ATM: variants seen among roughly 807,000 people sequenced by gnomAD.
ATM encodes the protein serine-protein kinase ATM.
In ATM, 308 loss-of-function variants were observed where a neutral mutation model predicts 387.0. The observed-to-expected ratio is 0.80, with a 90% confidence interval of 0.73 to 0.87. The LOEUF (loss-of-function observed/expected upper bound fraction) is 0.87, where lower values mean the gene tolerates loss of function less well. Ranked by LOEUF, ATM falls within the 40% of genes least tolerant of loss-of-function variation. The pLI is 0.00. For missense variants in ATM, 3,312 were observed against 3,560.9 expected (o/e 0.93, Z 1.78); for synonymous variants, 1,156 against 1,187.3 (o/e 0.97, Z 0.54).
At chr11:108,258,518 A>G (rs2080649017) in intron 15 of ATM, among the ~76,000 whole-genome samples, 1 of 152,204 alleles carries the variant, frequency 6.6e-6, no homozygotes, top group South Asian at 2.1e-4. Context: ...CATTTGGTAG[A>G]AAGAGTGCTA....
chr11:108,359,572 AG>A (rs1161871641), intron 61 of ATM, among the ~76,000 whole-genome samples: 2 of 152,198 alleles, frequency 1.3e-5, no homozygotes, highest in Non-Finnish European at 2.9e-5. Context: ...CAAATGTAAA[AG>A]AACAGAGATT....
intron 61 of ATM, among the ~76,000 whole-genome samples, chr11:108,356,992 G>C (rs199709393): frequency 4.6e-4 from 70 of 152,348 alleles, no homozygotes; most frequent in African/African-American, 1.4e-3. Context: ...CAGCGTGAGC[G>C]ATGCAGAAGA....
intron 3 of ATM, 30 bp downstream of exon 3, chr11:108,227,918 T>C: frequency 1.3e-6 from 2 of 1,540,394 alleles, no homozygotes; most frequent in Non-Finnish European, 1.8e-6. Flanking sequence ...TTTACTGTCT[T>C]TATTTTTCTC....
intron 51 of ATM, 55 bp from the exon 52 acceptor site, chr11:108,331,824 T>G (rs1453700440): frequency 6.3e-7 from 1 of 1,579,980 alleles, no homozygotes; most frequent in African/African-American, 1.4e-5. Context: ...AAATGAAAAA[T>G]ATGGATTATA....
intron 48 of ATM, 95 bp downstream of exon 48, chr11:108,327,853 T>C: frequency 2.0e-6 from 2 of 997,150 alleles, no homozygotes; most frequent in Non-Finnish European, 3.1e-6. Context: ...CAAATAAAAG[T>C]ATGGTTTTAT....
rs2089510680 is a variant in ATM, at chr11:108,353,837, G to A, written c.8743G>A (p.Val2915Met). The change falls in exon 60 of 63, where the codon GTG becomes ATG. Residue 2915 changes from valine to methionine, a missense_variant. Physicochemically the swap from Val to Met is conservative, Grantham distance 21. Transcript: ENST00000675843. ...TVPFRLTRDIVDGMGITGVEG... is the reference protein window; with the variant it reads ...TVPFRLTRDIMDGMGITGVEG... ...TCCTTTTAGACTCACCAGAGATATT[G>A]TGGATGGCATGGGCATTACGGGTGT... The A allele has an allele frequency of 3.7e-6, 6 of 1,614,052 alleles. No homozygotes were observed. The highest frequency in any genetic ancestry group is 5.1e-6 in the Non-Finnish European group (6 of 1,179,988).
intron 3 of ATM, among the ~76,000 whole-genome samples, chr11:108,228,583 T>C (rs548329341): frequency 1.4e-4 from 22 of 152,246 alleles, no homozygotes; most frequent in Non-Finnish European, 3.1e-4. Context: ...TTCTGTTTTA[T>C]TTTTAGCTCC....
At chr11:108,363,576 G>A (rs1174328993) in intron 61 of ATM, among the ~76,000 whole-genome samples, 2 of 152,092 alleles carry the variant, frequency 1.3e-5, no homozygotes, top group Admixed American at 1.3e-4. Flanking sequence ...GCATCTACTG[G>A]GTAGAGGCCA....
chr11:108,308,097 T>A, intron 38 of ATM, 113 bp downstream of exon 38: 1 of 1,007,832 alleles, frequency 9.9e-7, no homozygotes, highest in Non-Finnish European at 1.5e-6. Context: ...GTGTTATATT[T>A]AATTTGTGTG....
intron 1 of ATM, chr11:108,226,961 G>T: frequency 6.6e-6 from 1 of 152,170 alleles, no homozygotes; most frequent in Non-Finnish European, 1.5e-5. Flanking sequence ...CATCTTTCAT[G>T]TCTCAATTTA....
At chr11:108,261,797 T>C (rs1259395985) in intron 16 of ATM, among the ~76,000 whole-genome samples, 1 of 152,158 alleles carries the variant, frequency 6.6e-6, no homozygotes, top group African/African-American at 2.4e-5. Context: ...AAGGAGCCGA[T>C]GGAGCTGAAA....
rs764713766 is a variant in ATM, at chr11:108,321,398, A to G, written c.6550A>G (p.Ser2184Gly). 1.2e-5 allele frequency: 19 copies of G among 1,614,196 alleles called. No individual in the cohort carries two copies. The South Asian group carries it at 2.0e-4, about 17-fold the overall frequency. ...SRLQAIGELE[S>G]IGELFSRSVT... ...GTTGCAGGCCATTGGAGAGCTGGAAAGCATTGGGGAGCTTTTCTCAAGGTA... is the reference window on the plus strand; with the variant it reads ...GTTGCAGGCCATTGGAGAGCTGGAAGGCATTGGGGAGCTTTTCTCAAGGTA... Residue 2184 changes from serine (S) to glycine (G), a missense_variant, in exon 45 of 63, where the codon AGC becomes GGC. Transcript: ENST00000675843.
At chr11:108,250,545 T>C (rs1046637112) in intron 9 of ATM, among the ~76,000 whole-genome samples, 156 bp from the exon 10 acceptor site, 3 of 152,202 alleles carry the variant, frequency 2.0e-5, no homozygotes, top group African/African-American at 4.8e-5. Flanking sequence ...AAGTAGGACA[T>C]AGTAACTATT....
chr11:108,293,193 A>T, intron 30 of ATM, 120 bp from the exon 31 acceptor site: 1 of 691,726 alleles, frequency 1.4e-6, no homozygotes, highest in Non-Finnish European at 2.3e-6. Context: ...TCTTAGACGT[A>T]ATTAGAACAT....
At chr11:108,293,201 C>T in intron 30 of ATM, 112 bp from the exon 31 acceptor site, 3 of 721,422 alleles carry the variant, frequency 4.2e-6, no homozygotes, top group South Asian at 2.2e-5. Flanking sequence ...GTAATTAGAA[C>T]ATTTAATCTG....
chr11:108,329,426 A>C, intron 49 of ATM, 188 bp downstream of exon 49: 1 of 590,964 alleles, frequency 1.7e-6, no homozygotes, highest in East Asian at 3.0e-5. Flanking sequence ...TTTTTTTTTG[A>C]GACAAGGTCT....
chr11:108,266,686 T>C (rs1348831489), intron 16 of ATM, among the ~76,000 whole-genome samples: 1 of 152,154 alleles, frequency 6.6e-6, no homozygotes, highest in Admixed American at 6.5e-5. Flanking sequence ...TATGTAGACA[T>C]ATTACAGGTT....
intron 13 of ATM, among the ~76,000 whole-genome samples, 158 bp downstream of exon 13, chr11:108,254,197 A>ATTT (rs1220200636): frequency 1.3e-5 from 2 of 152,220 alleles, no homozygotes; most frequent in Middle Eastern, 3.2e-3. Flanking sequence ...ACAACTTAGC[A>ATTT]TAATTAAAGG....
rs1555151266 is a variant in ATM, at chr11:108,365,102, C to G, written c.8871C>G (p.Leu2957=). ...TTTAGGTCCTTCTATATGATCCACT[C>G]TTTGACTGGACCATGAATCCTTTGA... ...TIVEVLLYDP[L]FDWTMNPLKA... is the part of the protein sequence containing the mutation. The change falls in exon 62 of 63, where the codon CTC becomes CTG. Residue 2957 remains leucine (L), a synonymous_variant. Transcript: ENST00000675843. 7.4e-6 allele frequency: 12 copies of G among 1,614,180 alleles called. No homozygotes were observed. The highest frequency in any genetic ancestry group is 1.7e-5 in the Admixed American group (1 of 60,022).
Sources: gnomAD v4.1 joint callset for allele counts (sites outside exome capture counted in the v4.1 genomes callset) on GRCh38, gnomAD v4.1.1 for gene constraint, MANE v1.5 for transcripts, NCBI Gene and HGNC (gene_info 2026-07-23, HGNC 2026-07-21) for gene names.